The following PIP4K2A variants were observed in gnomAD, a reference collection of about 807,000 sequenced individuals.
PIP4K2A encodes phosphatidylinositol-5-phosphate 4-kinase type 2 alpha, also known as phosphatidylinositol 5-phosphate 4-kinase type-2 alpha.
Under a neutral mutation model 42.9 loss-of-function variants are expected in PIP4K2A, and 14 were observed. The observed-to-expected ratio is 0.33, with a 90% CI of 0.22 to 0.51. The LOEUF (loss-of-function observed/expected upper bound fraction) is 0.51. PIP4K2A is among the 20% of genes least tolerant of loss of function. The pLI, the probability that PIP4K2A is intolerant of heterozygous loss-of-function variation, is 0.97. For missense variants in PIP4K2A, 434 were observed against 519.8 expected (o/e 0.83, Z 1.61); for synonymous variants, 192 against 192.2 (o/e 1.00, Z 0.01).
intron 1 of PIP4K2A, among the ~76,000 whole-genome samples, chr10:22,678,247 G>A (rs1160050904): frequency 1.3e-5 from 2 of 151,950 alleles, no homozygotes; most frequent in African/African-American, 4.8e-5. Flanking sequence ...AGAGCCAGGA[G>A]GGTTCCACTT....
At chr10:22,671,775 C>T (rs904950871) in intron 1 of PIP4K2A, among the ~76,000 whole-genome samples, 2 of 151,032 alleles carry the variant, frequency 1.3e-5, no homozygotes, top group South Asian at 2.1e-4. Context: ...CACACACACA[C>T]GTGGTCTAGG....
chr10:22,625,492 G>A (rs1838419083), intron 1 of PIP4K2A, among the ~76,000 whole-genome samples: 1 of 152,088 alleles, frequency 6.6e-6, no homozygotes. Context: ...ACACAGCTAT[G>A]TGATCCAAAA....
intron 1 of PIP4K2A, among the ~76,000 whole-genome samples, chr10:22,617,921 T>G (rs1446476265): frequency 6.6e-6 from 1 of 152,012 alleles, no homozygotes; most frequent in East Asian, 1.9e-4. Flanking sequence ...AAAACATAAT[T>G]CAATAACAAA....
At chr10:22,560,870 AAG>A (rs1836674731) in intron 6 of PIP4K2A, among the ~76,000 whole-genome samples, 1 of 152,234 alleles carries the variant, frequency 6.6e-6, no homozygotes, top group Non-Finnish European at 1.5e-5. Context: ...GGGCTTTTTA[AAG>A]AGTCAGGTCA....
intron 3 of PIP4K2A, among the ~76,000 whole-genome samples, chr10:22,598,214 C>T (rs1421010027): frequency 6.6e-6 from 1 of 151,972 alleles, no homozygotes; most frequent in African/African-American, 2.4e-5. Context: ...AAAAATTAGC[C>T]GGATGTGGTG....
intron 6 of PIP4K2A, among the ~76,000 whole-genome samples, chr10:22,566,655 G>A (rs1348271614): frequency 6.6e-5 from 10 of 152,068 alleles, no homozygotes; most frequent in Non-Finnish European, 1.5e-4. Flanking sequence ...CTCTCTCCCT[G>A]CAGCAAATGC....
intron 1 of PIP4K2A, among the ~76,000 whole-genome samples, chr10:22,625,361 A>C (rs1218601608): frequency 1.3e-5 from 2 of 152,364 alleles, no homozygotes; most frequent in Admixed American, 1.3e-4. Context: ...TACTGAAAAT[A>C]CTTAATCTTA....
chr10:22,683,326 A>C (rs1456970911), intron 1 of PIP4K2A, among the ~76,000 whole-genome samples: 1 of 152,050 alleles, frequency 6.6e-6, no homozygotes, highest in African/African-American at 2.4e-5. Context: ...AGTTTTTCAC[A>C]GTGATCCTAA....
chr10:22,599,142 A>G (rs1837696334), intron 3 of PIP4K2A, among the ~76,000 whole-genome samples: 1 of 152,242 alleles, frequency 6.6e-6, no homozygotes, highest in African/African-American at 2.4e-5. Flanking sequence ...TCAAACTCCA[A>G]GCATTCTTCT....
chr10:22,552,249 C>T (rs1275948372), intron 6 of PIP4K2A, among the ~76,000 whole-genome samples: 6 of 151,880 alleles, frequency 4.0e-5, no homozygotes, highest in African/African-American at 1.5e-4. Context: ...TATGAAAGCA[C>T]GTAGGTAGAA....
At chr10:22,565,912 C>A (rs896983385) in intron 6 of PIP4K2A, among the ~76,000 whole-genome samples, 4 of 152,136 alleles carry the variant, frequency 2.6e-5, no homozygotes, top group African/African-American at 9.7e-5. Context: ...CATAGCGCTC[C>A]CAGGCTTATT....
chr10:22,627,630 A>AAAAAAAAAAAAAAAAAAAAAAAAAAAAG (rs1346625282), intron 1 of PIP4K2A, among the ~76,000 whole-genome samples: 1 of 118,134 alleles, frequency 8.5e-6, no homozygotes, highest in Non-Finnish European at 1.8e-5. Flanking sequence ...AAAAAAAAAA[A>AAAAAAAAAAAAAAAAAAAAAAAAAAAAG]AGATAAGGAA....
intron 1 of PIP4K2A, among the ~76,000 whole-genome samples, chr10:22,683,927 C>T (rs1397403152): frequency 2.0e-5 from 3 of 151,966 alleles, no homozygotes; most frequent in South Asian, 2.1e-4. Flanking sequence ...CTCCTGGAAT[C>T]GCCCAGCGCT....
intron 1 of PIP4K2A, among the ~76,000 whole-genome samples, chr10:22,631,551 T>C (rs1838548505): frequency 6.6e-6 from 1 of 152,162 alleles, no homozygotes; most frequent in South Asian, 2.1e-4. Context: ...GTATCTGTTA[T>C]TTAAGCCGTC....
intron 1 of PIP4K2A, among the ~76,000 whole-genome samples, chr10:22,654,726 G>C (rs1839063905): frequency 2.0e-5 from 3 of 152,094 alleles, no homozygotes; most frequent in Non-Finnish European, 4.4e-5. Context: ...TATAATTCTG[G>C]GCAGTTAACA....
chr10:22,599,015 A>C (rs533433040), intron 3 of PIP4K2A, among the ~76,000 whole-genome samples: 18 of 149,982 alleles, frequency 1.2e-4, no homozygotes, highest in East Asian at 3.9e-4. Context: ...AACCCATCCC[A>C]AAAAAACAAC....
At chr10:22,590,486 C>G (rs575089139) in intron 4 of PIP4K2A, among the ~76,000 whole-genome samples, 21 of 152,298 alleles carry the variant, frequency 1.4e-4, no homozygotes, top group African/African-American at 4.8e-4. Context: ...GTGCTAAGCA[C>G]TTGACATGCA....
intron 6 of PIP4K2A, among the ~76,000 whole-genome samples, chr10:22,560,513 T>C (rs1349635072): frequency 1.3e-5 from 2 of 152,238 alleles, no homozygotes; most frequent in Non-Finnish European, 2.9e-5. Context: ...CAGTTGGTAA[T>C]AGGTAAAACG....
chr10:22,673,282 G>C (rs975216286), intron 1 of PIP4K2A, among the ~76,000 whole-genome samples: 5 of 152,170 alleles, frequency 3.3e-5, no homozygotes, highest in African/African-American at 1.2e-4. Context: ...TTATCTCTGT[G>C]ATCCTCCAAC....
Sources: gnomAD v4.1 joint callset for allele counts (sites outside exome capture counted in the v4.1 genomes callset) on GRCh38, gnomAD v4.1.1 for gene constraint, MANE v1.5 for transcripts, NCBI Gene and HGNC (gene_info 2026-07-23, HGNC 2026-07-21) for gene names.